The following FANCL variants were observed in gnomAD, a reference collection of about 807,000 sequenced individuals.
The protein encoded by FANCL is FA complementation group L, also known as E3 ubiquitin-protein ligase FANCL.
A neutral mutation model predicts 59.4 loss-of-function variants in FANCL; 69 were observed. That is an observed-to-expected ratio of 1.16 (90% confidence interval 0.96 to 1.42). FANCL has a LOEUF of 1.42. Among genes scored for constraint, FANCL ranks in the 40% most tolerant of loss-of-function variants. The pLI, the probability that FANCL is intolerant of heterozygous loss-of-function variation, is 0.00. For missense variants in FANCL, 519 were observed against 447.2 expected, an observed-to-expected ratio of 1.16 and a Z score of -1.45; for synonymous variants, 180 against 147.1, an observed-to-expected ratio of 1.22 and a Z score of -1.62.
chr2:58,180,727 A>C (rs1447127939), intron 7 of FANCL, among the ~76,000 whole-genome samples: 2 of 151,942 alleles, frequency 1.3e-5, no homozygotes, highest in Non-Finnish European at 2.9e-5. Context: ...AATAAAATAC[A>C]ATAAAAATAG....
At chr2:58,202,239 TAAAAAAAA>T (rs5831491) in intron 6 of FANCL, among the ~76,000 whole-genome samples, 4 of 106,094 alleles carry the variant, frequency 3.8e-5, no homozygotes, top group Non-Finnish European at 7.3e-5. Context: ...ACCTTTTTCC[TAAAAAAAA>T]AAAAAAAAAA....
chr2:58,191,992 C>T (rs1688971618), intron 7 of FANCL, among the ~76,000 whole-genome samples: 2 of 151,878 alleles, frequency 1.3e-5, no homozygotes. Context: ...TTGATCCAGA[C>T]TTTAAGACTC....
chr2:58,179,846 T>C (rs1687746499), intron 7 of FANCL, among the ~76,000 whole-genome samples: 2 of 152,248 alleles, frequency 1.3e-5, no homozygotes, highest in South Asian at 4.1e-4. Flanking sequence ...AAAGGGCTAA[T>C]ATCCAGAATC....
At chr2:58,214,839 T>C (rs1025462347) in intron 5 of FANCL, among the ~76,000 whole-genome samples, 1 of 152,124 alleles carries the variant, frequency 6.6e-6, no homozygotes, top group Non-Finnish European at 1.5e-5. Context: ...TCTTGCCTTA[T>C]GTATCCTTAG....
At chr2:58,217,167 TATATATATA>T (rs1558806288) in intron 5 of FANCL, among the ~76,000 whole-genome samples, 14 of 32,136 alleles carry the variant, frequency 4.4e-4, no homozygotes, top group Non-Finnish European at 5.8e-4. Flanking sequence ...TTATATATTT[TATATATATA>T]TATATATATA....
chr2:58,217,166 TTATATATATATA>T lies in FANCL; in HGVS notation c.374+4764_374+4775del, dbSNP rs1158149205. Reference sequence around the variant, plus strand: ...AGATTTATATATATATTTATATATTTTATATATATATATATATATATATATATATATATATAT... The same window carrying T: ...AGATTTATATATATATTTATATATTTTATATATATATATATATATATATAT... On this transcript the variant is annotated intron_variant, in intron 5 of 13. Transcript: ENST00000233741. Among the ~76,000 whole-genome samples the T allele has an allele frequency of 6.5e-4, 31 of 47,344 alleles. 1 individual carries two copies. The highest frequency in any genetic ancestry group is 6.4e-3 in the South Asian group (8 of 1,242). The allele number at this position is 47,344 out of a possible 152,430, so 31.1% of individuals were successfully genotyped here.
At chr2:58,202,797 AG>A (rs1408952717) in intron 6 of FANCL, among the ~76,000 whole-genome samples, 1 of 151,922 alleles carries the variant, frequency 6.6e-6, no homozygotes, top group African/African-American at 2.4e-5. Flanking sequence ...AAAATCTTGT[AG>A]GTATAGTTAA....
intron 6 of FANCL, among the ~76,000 whole-genome samples, chr2:58,198,923 G>T (rs1481080999): frequency 6.6e-6 from 1 of 151,788 alleles, no homozygotes; most frequent in Non-Finnish European, 1.5e-5. Context: ...CAGCTACTTG[G>T]GAGGCTGAGG....
At chr2:58,165,958 G>T in intron 7 of FANCL, 84 bp from the exon 8 acceptor site, 1 of 1,397,612 alleles carries the variant, frequency 7.2e-7, no homozygotes, top group Non-Finnish European at 1.0e-6. Flanking sequence ...ACTCAATTTA[G>T]AAATTTTAAG....
chr2:58,169,654 G>GA (rs1181655520), intron 7 of FANCL, among the ~76,000 whole-genome samples: 2 of 151,744 alleles, frequency 1.3e-5, no homozygotes, highest in Non-Finnish European at 2.9e-5. Context: ...TAAGAACCTT[G>GA]AAAAAAAGTT....
chr2:58,214,088 A>G (rs1691463885), intron 5 of FANCL, among the ~76,000 whole-genome samples: 1 of 152,228 alleles, frequency 6.6e-6, no homozygotes, highest in South Asian at 2.1e-4. Flanking sequence ...ATCCTGAGAA[A>G]TTAAATAAGA....
chr2:58,163,159 C>T, intron 9 of FANCL, 85 bp from the exon 10 acceptor site: 7 of 1,194,372 alleles, frequency 5.9e-6, no homozygotes, highest in Non-Finnish European at 8.5e-6. Flanking sequence ...TGTTTCTTAA[C>T]TACTTGATTA....
intron 5 of FANCL, among the ~76,000 whole-genome samples, chr2:58,219,318 A>C (rs1433499103): frequency 6.6e-6 from 1 of 150,902 alleles, no homozygotes; most frequent in Non-Finnish European, 1.5e-5. Context: ...TTATAACCCA[A>C]AGTATAAAAT....
At chr2:58,227,489 C>T (rs949425571) in intron 3 of FANCL, among the ~76,000 whole-genome samples, 3 of 152,316 alleles carry the variant, frequency 2.0e-5, no homozygotes, top group Admixed American at 6.5e-5. Context: ...GGTTGCTCAG[C>T]AGCCCAGGCT....
At chr2:58,220,100 A>T (rs1260680164) in intron 5 of FANCL, among the ~76,000 whole-genome samples, 1 of 152,250 alleles carries the variant, frequency 6.6e-6, no homozygotes, top group Non-Finnish European at 1.5e-5. Context: ...GTCCATCTGC[A>T]GTGAAACACT....
At chr2:58,178,444 C>T (rs1687588115) in intron 7 of FANCL, among the ~76,000 whole-genome samples, 1 of 152,028 alleles carries the variant, frequency 6.6e-6, no homozygotes, top group African/African-American at 2.4e-5. Context: ...AATCAATAAA[C>T]GTAACCCATC....
At chr2:58,220,010 C>A (rs1692310200) in intron 5 of FANCL, among the ~76,000 whole-genome samples, 1 of 151,610 alleles carries the variant, frequency 6.6e-6, no homozygotes, top group Non-Finnish European at 1.5e-5. Flanking sequence ...TACAAGAGAG[C>A]AAAATAAAGT....
intron 7 of FANCL, among the ~76,000 whole-genome samples, chr2:58,167,408 T>C (rs848286): frequency 0.33 from 50,811 of 152,068 alleles, 8,931 homozygotes; most frequent in South Asian, 0.45. Flanking sequence ...ATATCTCTGT[T>C]TCTCCTTTCT....
At position 58,198,626 on chromosome 2, in the gene FANCL, G is replaced by A. The variant is rs988600827; in HGVS notation, c.508C>T (p.Pro170Ser). 1.2e-6 allele frequency: 2 copies of A among 1,613,912 alleles called. No individual in the cohort carries two copies. The change falls in exon 7 of 14, where the codon CCT (proline) becomes TCT (serine). Residue 170 changes from proline to serine, a missense_variant. Pro to Ser is a moderately conservative substitution (Grantham distance 74). Transcript: ENST00000233741. ...GTCCAGGAGGCACAAAATGGAACAG[G>A]AAAATCCACAAAATAATCTGGTGAT... is the stretch of plus-strand genomic sequence containing the variant. ...AESPDYFVDF[P>S]VPFCASWTPQ...
Sources: gnomAD v4.1 joint callset for allele counts (sites outside exome capture counted in the v4.1 genomes callset) on GRCh38, gnomAD v4.1.1 for gene constraint, MANE v1.5 for transcripts, NCBI Gene and HGNC (gene_info 2026-07-23, HGNC 2026-07-21) for gene names.